Variants in ZFPM1 observed in about 807,000 individuals in gnomAD.
The protein encoded by ZFPM1 is zinc finger protein ZFPM1.
In ZFPM1, 28 loss-of-function variants were observed where a neutral mutation model predicts 46.3. The observed-to-expected ratio is 0.60, with a 90% CI of 0.45 to 0.83. The LOEUF is 0.83. Ranked by LOEUF, ZFPM1 falls within the 40% of genes least tolerant of loss-of-function variation. The pLI is 0.00. For missense variants in ZFPM1, 1,878 were observed against 1,432.4 expected (o/e 1.31, Z -5.02); for synonymous variants, 957 against 675.9 (o/e 1.42, Z -6.45).
At chr16:88,494,869 C>G (rs945695903) in intron 3 of ZFPM1, among the ~76,000 whole-genome samples, 1 of 152,180 alleles carries the variant, frequency 6.6e-6, no homozygotes, top group East Asian at 1.9e-4. Context: ...CTCCCTCCTC[C>G]TCCCTGGAGC....
rs527923649 is a variant in ZFPM1 at position 88,457,418 on chromosome 16, C to T, written c.40+3740C>T. Reference sequence around the variant, plus strand: ...ACAAGTTACTGTGCTTTCCACAGCTCTCAGTTTCCCCCTGTTGGAAACATG... The same window carrying T: ...ACAAGTTACTGTGCTTTCCACAGCTTTCAGTTTCCCCCTGTTGGAAACATG... On this transcript the variant is annotated intron_variant, in intron 1 of 9. Coordinates refer to ENST00000319555, the MANE Select transcript of ZFPM1 (RefSeq NM_153813.3). Among the ~76,000 whole-genome samples the T allele has an allele frequency of 1.1e-4, 16 of 152,344 alleles. No individual in the cohort carries two copies. In the East Asian group the frequency reaches 3.1e-3, roughly 29 times the overall value.
At chr16:88,532,529 G>A (rs1912872282) in intron 7 of ZFPM1, 85 bp from the exon 8 acceptor site, 5 of 1,396,132 alleles carry the variant, frequency 3.6e-6, no homozygotes, top group South Asian at 1.3e-5. Context: ...ACAGATCACG[G>A]CCCTGGGCCC....
At chr16:88,517,230 GT>G (rs1911378744) in intron 4 of ZFPM1, among the ~76,000 whole-genome samples, 1 of 99,134 alleles carries the variant, frequency 1.0e-5, no homozygotes, top group Non-Finnish European at 1.9e-5. Flanking sequence ...GGATGGATGG[GT>G]GGGTGGGTGG....
Position 88,520,551 on chromosome 16 carries a change from T to TGGATGGGTGGGTGGCTGAAA in ZFPM1, c.402+6037_402+6038insGTGGGTGGCTGAAAGGATGG, listed in dbSNP as rs1555527768. ...ATGAATGGGTGGGTGGCTGAAAGGA[T>TGGATGGGTGGGTGGCTGAAA]GGATGGATGGATGGATGGATGGATG... On this transcript the variant is annotated intron_variant, in intron 4 of 9. Coordinates refer to ENST00000319555, the MANE Select transcript of ZFPM1 (RefSeq NM_153813.3). Among the ~76,000 whole-genome samples, 89 of 103,402 alleles carry TGGATGGGTGGGTGGCTGAAA rather than the reference T, an allele frequency of 8.6e-4. 1 individual carries two copies. The highest frequency in any genetic ancestry group is 3.5e-3 in the African/African-American group (86 of 24,252). 67.8% of individuals were successfully genotyped at this position (103,402 alleles called of 152,430 possible).
At chr16:88,514,244 C>T in intron 3 of ZFPM1, 143 bp from the exon 4 acceptor site, 2 of 1,405,234 alleles carry the variant, frequency 1.4e-6, no homozygotes, top group South Asian at 1.4e-5. Context: ...GCCCCTGGGA[C>T]CCAGCACCTG....
intron 1 of ZFPM1, among the ~76,000 whole-genome samples, chr16:88,466,927 G>T (rs1374586231): frequency 6.6e-6 from 1 of 152,058 alleles, no homozygotes; most frequent in Non-Finnish European, 1.5e-5. Context: ...AAGCATCTGG[G>T]GCCCTTGTGC....
intron 3 of ZFPM1, among the ~76,000 whole-genome samples, chr16:88,498,273 G>C (rs62048978): frequency 9.1e-4 from 139 of 152,336 alleles, no homozygotes; most frequent in Non-Finnish European, 1.8e-3. Flanking sequence ...CAGAACCCGA[G>C]GAGGGGCTGT....
chr16:88,533,552 G>C lies in ZFPM1; in HGVS notation c.1594G>C (p.Gly532Arg). Residue 532 changes from glycine (G) to arginine (R), a missense_variant, in exon 10 of 10, where the codon GGG becomes CGG. Transcript: ENST00000319555. The part of the protein sequence containing the change: ...GALFLPQYVF[G>R]PDAAPPASEI... ...CCTGTTCCTTCCGCAGTACGTGTTCGGGCCCGACGCGGCGCCCCCCGCCTC... is the reference window on the plus strand; with the variant it reads ...CCTGTTCCTTCCGCAGTACGTGTTCCGGCCCGACGCGGCGCCCCCCGCCTC... 6.8e-7 allele frequency: 1 copy of C among 1,476,656 alleles called. No individual in the cohort carries two copies. The allele number at this position is 1,476,656 out of a possible 1,614,324, so 91.5% of individuals were successfully genotyped here.
chr16:88,504,833 CA>C (rs1440657664), intron 3 of ZFPM1, among the ~76,000 whole-genome samples: 1 of 152,204 alleles, frequency 6.6e-6, no homozygotes, highest in Non-Finnish European at 1.5e-5. Flanking sequence ...AGCACTGCCC[CA>C]CTGCCCCTGT....
At chr16:88,477,959 A>C (rs1434038143) in intron 1 of ZFPM1, among the ~76,000 whole-genome samples, 4 of 133,926 alleles carry the variant, frequency 3.0e-5, no homozygotes, top group East Asian at 5.1e-4. Flanking sequence ...CCTGAGGCCG[A>C]CCTCGGAGGG....
At chr16:88,496,572 G>A (rs1909942571) in intron 3 of ZFPM1, among the ~76,000 whole-genome samples, 1 of 151,846 alleles carries the variant, frequency 6.6e-6, no homozygotes, top group Non-Finnish European at 1.5e-5. Flanking sequence ...GGGCTCCCCT[G>A]GACCCTGAAG....
In ZFPM1 at chr16:88,501,227, G is replaced by T. The variant is rs1433531855; in HGVS notation, c.268+12074G>T. On this transcript the variant is annotated intron_variant, in intron 3 of 9. Coordinates refer to ENST00000319555, the MANE Select transcript of ZFPM1 (RefSeq NM_153813.3). ...TGGTGATGATGGAGATAGCGGGTGTGGGTGCATGGGCTCTCCCGCAGGTAC... is the reference window on the plus strand; with the variant it reads ...TGGTGATGATGGAGATAGCGGGTGTTGGTGCATGGGCTCTCCCGCAGGTAC... 2.4e-4 allele frequency among the ~76,000 whole-genome samples: 31 copies of T among 130,836 alleles called. 3 individuals carry two copies. The highest frequency in any genetic ancestry group is 7.8e-4 in the African/African-American group (27 of 34,446). The allele number at this position is 130,836 out of a possible 152,430, so 85.8% of individuals were successfully genotyped here.
chr16:88,516,523 C>T (rs1240227624), intron 4 of ZFPM1: 5 of 398,554 alleles, frequency 1.3e-5, no homozygotes, highest in Admixed American at 8.8e-5. Context: ...TTATCTCCTG[C>T]AGAATTAAAT....
chr16:88,460,927 CGG>C lies in ZFPM1; in HGVS notation c.40+7251_40+7252del, dbSNP rs1326706252. Reference sequence around the variant, plus strand: ...GCCTGGTGAGGACCGAGGGGCGGGGCGGGAGGCCTGGTGATGACCGAGGGGCG... The same window carrying C: ...GCCTGGTGAGGACCGAGGGGCGGGGCGAGGCCTGGTGATGACCGAGGGGCG... On this transcript the variant is annotated intron_variant, in intron 1 of 9. Transcript: ENST00000319555. 4.7e-4 allele frequency among the ~76,000 whole-genome samples: 14 copies of C among 29,786 alleles called. 1 individual carries two copies. Among genetic ancestry groups the C allele is most frequent in the Admixed American group, 1.4e-3 (3 of 2,112 alleles). The allele number at this position is 29,786 out of a possible 152,430, so 19.5% of individuals were successfully genotyped here.
chr16:88,523,031 C>T (rs1912020459), intron 4 of ZFPM1, among the ~76,000 whole-genome samples: 1 of 152,128 alleles, frequency 6.6e-6, no homozygotes, highest in African/African-American at 2.4e-5. Flanking sequence ...CATAGTGAAA[C>T]CCCGTCCCTA....
At chr16:88,525,954 C>T (rs956627892) in intron 4 of ZFPM1, among the ~76,000 whole-genome samples, 1 of 152,258 alleles carries the variant, frequency 6.6e-6, no homozygotes, top group African/African-American at 2.4e-5. Flanking sequence ...TGGCATGGCC[C>T]GAGGCACTGG....
In ZFPM1 at chr16:88,468,069, C is replaced by T. The variant is rs533417709; in HGVS notation, c.40+14391C>T. ...TCACGCCCCCGCGAGCCCACCGCCC[C>T]GACCCACCCGCGAGCCCACCGGCCG... On this transcript the variant is annotated intron_variant, in intron 1 of 9. Transcript: ENST00000319555. Among the ~76,000 whole-genome samples, 269 of 138,262 alleles carry T rather than the reference C, an allele frequency of 1.9e-3. 1 individual carries two copies. The highest frequency in any genetic ancestry group is 6.9e-3 in the African/African-American group (256 of 36,960). The allele number at this position is 138,262 out of a possible 152,430, so 90.7% of individuals were successfully genotyped here.
chr16:88,475,003 C>T (rs955033669), intron 1 of ZFPM1, among the ~76,000 whole-genome samples: 2 of 152,264 alleles, frequency 1.3e-5, no homozygotes, highest in African/African-American at 2.4e-5. Context: ...ACCTGAGGCC[C>T]GTGCTGGGAC....
chr16:88,466,945 C>T (rs1908160598), intron 1 of ZFPM1, among the ~76,000 whole-genome samples: 1 of 152,070 alleles, frequency 6.6e-6, no homozygotes, highest in Non-Finnish European at 1.5e-5. Flanking sequence ...TGCGGCAGGG[C>T]TCAGTGAACC....
Sources: gnomAD v4.1 joint callset for allele counts (sites outside exome capture counted in the v4.1 genomes callset) on GRCh38, gnomAD v4.1.1 for gene constraint, MANE v1.5 for transcripts, NCBI Gene and HGNC (gene_info 2026-07-23, HGNC 2026-07-21) for gene names.